Variants in PCCB observed in about 807,000 individuals in gnomAD.
PCCB encodes the protein propionyl-CoA carboxylase subunit beta.
PCCB carries 43 observed loss-of-function variants against 60.7 expected under a neutral mutation model. That is an observed-to-expected ratio of 0.71 (90% CI 0.55 to 0.91). PCCB has a LOEUF of 0.91. PCCB is among the 40% of genes least tolerant of loss of function. The pLI, the probability that PCCB is intolerant of heterozygous loss-of-function variation, is 0.00. For missense variants in PCCB, 766 were observed against 702.8 expected, an observed-to-expected ratio of 1.09 and a Z score of -1.02; for synonymous variants, 276 against 255.9, an observed-to-expected ratio of 1.08 and a Z score of -0.75.
In PCCB at chr3:136,302,280, C is replaced by G. The variant is rs1479188772; in HGVS notation, c.966+1169C>G. Among the ~76,000 whole-genome samples the G allele has an allele frequency of 2.2e-5, 2 of 90,982 alleles. 1 individual carries two copies. The highest frequency in any genetic ancestry group is 5.4e-5 in the Non-Finnish European group (2 of 37,140). 59.7% of individuals were successfully genotyped at this position (90,982 alleles called of 152,430 possible). On this transcript the variant is annotated intron_variant, in intron 9 of 14. Transcript: ENST00000251654. ...ACTATGCTAAGAGCTGAAATTAACT[C>G]CAATTTTCAGTCCAATCCTTCCCCT...
chr3:136,327,542 T>A (rs903000561), intron 12 of PCCB, 92 bp from the exon 13 acceptor site: 9 of 988,932 alleles, frequency 9.1e-6, no homozygotes, highest in South Asian at 4.0e-5. Flanking sequence ...ATTCTTGTTC[T>A]TTGTCCCAAT....
chr3:136,270,008 T>TTTG (rs1942147160), intron 5 of PCCB, among the ~76,000 whole-genome samples: 1 of 151,548 alleles, frequency 6.6e-6, no homozygotes, highest in South Asian at 2.1e-4. Flanking sequence ...TTTTTTTTTT[T>TTTG]TGGACATTCT....
intron 5 of PCCB, among the ~76,000 whole-genome samples, chr3:136,280,532 G>A (rs1942449142): frequency 6.6e-6 from 1 of 152,188 alleles, no homozygotes; most frequent in Non-Finnish European, 1.5e-5. Context: ...ATTTTGTAAA[G>A]GCAGGGTTTC....
At chr3:136,288,865 C>T (rs374913176) in intron 6 of PCCB, among the ~76,000 whole-genome samples, 12 of 151,576 alleles carry the variant, frequency 7.9e-5, no homozygotes, top group African/African-American at 1.5e-4. Context: ...AGCAGTGGTG[C>T]GATCTCGGCT....
intron 9 of PCCB, among the ~76,000 whole-genome samples, chr3:136,313,044 A>G (rs767777225): frequency 1.3e-5 from 2 of 152,208 alleles, no homozygotes; most frequent in East Asian, 1.9e-4. Context: ...TACACTGAGT[A>G]TTTTCTCATA....
chr3:136,308,348 C>G (rs1018094433), intron 9 of PCCB, among the ~76,000 whole-genome samples: 10 of 151,816 alleles, frequency 6.6e-5, no homozygotes, highest in Non-Finnish European at 1.2e-4. Context: ...ATTCTCCTGC[C>G]TCAGCTTCCC....
intron 1 of PCCB, among the ~76,000 whole-genome samples, chr3:136,251,858 G>C (rs1332851892): frequency 6.6e-6 from 1 of 152,142 alleles, no homozygotes; most frequent in Non-Finnish European, 1.5e-5. Flanking sequence ...GATTTAATAT[G>C]AACCCCCTCC....
At chr3:136,314,817 C>G (rs1372197906) in intron 9 of PCCB, among the ~76,000 whole-genome samples, 1 of 152,120 alleles carries the variant, frequency 6.6e-6, no homozygotes, top group African/African-American at 2.4e-5. Context: ...GTTTGAAGAA[C>G]AGGATTTTAT....
intron 6 of PCCB, among the ~76,000 whole-genome samples, chr3:136,285,211 C>T (rs577515989): frequency 1.7e-4 from 26 of 152,238 alleles, no homozygotes; most frequent in African/African-American, 5.5e-4. Flanking sequence ...CCCCCATTCT[C>T]TCCTCCTTCC....
chr3:136,281,482 GTGT>G (rs1942473702), intron 5 of PCCB, among the ~76,000 whole-genome samples: 1 of 151,658 alleles, frequency 6.6e-6, no homozygotes, highest in Non-Finnish European at 1.5e-5. Flanking sequence ...TCTCTTTGTG[GTGT>G]TCTCATTTTG....
At chr3:136,256,411 G>C in intron 2 of PCCB, 144 bp from the exon 3 acceptor site, 1 of 696,952 alleles carries the variant, frequency 1.4e-6, no homozygotes, top group South Asian at 1.6e-5. Context: ...GGGAAAGTGG[G>C]GTGGGATTCC....
At chr3:136,274,934 C>G (rs1261789472) in intron 5 of PCCB, among the ~76,000 whole-genome samples, 1 of 151,906 alleles carries the variant, frequency 6.6e-6, no homozygotes, top group Non-Finnish European at 1.5e-5. Context: ...CCTCTGCCTC[C>G]TGAGTATCTG....
At chr3:136,322,643 A>G (rs1935148233) in intron 10 of PCCB, among the ~76,000 whole-genome samples, 1 of 152,184 alleles carries the variant, frequency 6.6e-6, no homozygotes, top group African/African-American at 2.4e-5. Context: ...AAAATACTCA[A>G]ATCCTGGTTT....
intron 6 of PCCB, among the ~76,000 whole-genome samples, chr3:136,287,179 T>G (rs1209112925): frequency 6.6e-6 from 1 of 152,220 alleles, no homozygotes; most frequent in Non-Finnish European, 1.5e-5. Flanking sequence ...TCTCAGCTTT[T>G]ATGGTAGTGT....
rs149980420 is a variant in PCCB at position 136,283,146 on chromosome 3, G to A, written c.544-691G>A. On this transcript the variant is annotated intron_variant, in intron 5 of 14. Transcript: ENST00000251654. ...GAACCTACTTTTCCTAAGCTGATGG[G>A]ACTTAGGAGAAGGAAAGAATTTGGA... 2.2e-3 allele frequency among the ~76,000 whole-genome samples: 341 copies of A among 152,318 alleles called. 4 individuals carry two copies. The highest frequency in any genetic ancestry group is 8.0e-3 in the African/African-American group (334 of 41,580).
chr3:136,261,898 C>G (rs112730715), intron 4 of PCCB, 54 bp from the exon 5 acceptor site: 158 of 1,226,858 alleles, frequency 1.3e-4, no homozygotes, highest in Non-Finnish European at 1.8e-4. Flanking sequence ...TTGTGAATGT[C>G]GTTTTTTATA....
chr3:136,256,286 T>C, intron 2 of PCCB: 1 of 571,332 alleles, frequency 1.8e-6, no homozygotes, highest in Non-Finnish European at 3.1e-6. Flanking sequence ...CATAGAGAAG[T>C]GGTGGCCCTG....
At chr3:136,264,395 C>T (rs1030836654) in intron 5 of PCCB, among the ~76,000 whole-genome samples, 6 of 144,490 alleles carry the variant, frequency 4.2e-5, no homozygotes, top group East Asian at 1.9e-4. Context: ...TCTATGTGCG[C>T]GCTCTCGCTC....
chr3:136,314,468 A>G (rs184642643), intron 9 of PCCB, among the ~76,000 whole-genome samples: 14 of 152,226 alleles, frequency 9.2e-5, no homozygotes, highest in Non-Finnish European at 1.8e-4. Flanking sequence ...CAGCCCGGCC[A>G]ATACGGTGAA....
Sources: gnomAD v4.1 joint callset for allele counts (sites outside exome capture counted in the v4.1 genomes callset) on GRCh38, gnomAD v4.1.1 for gene constraint, MANE v1.5 for transcripts, NCBI Gene and HGNC (gene_info 2026-07-23, HGNC 2026-07-21) for gene names.